Variants in PCDH15 observed in about 807,000 individuals in gnomAD.
PCDH15 encodes protocadherin-15.
Under a neutral mutation model 178.5 loss-of-function variants are expected in PCDH15, and 129 were observed. That is an observed-to-expected ratio of 0.72 (90% CI 0.63 to 0.84). PCDH15 has a LOEUF of 0.84. PCDH15 is among the 40% of genes least tolerant of loss of function. The pLI is 0.00. For missense variants in PCDH15, 2,230 were observed against 2,099.9 expected, an observed-to-expected ratio of 1.06 and a Z score of -1.21; for synonymous variants, 800 against 732.0, an observed-to-expected ratio of 1.09 and a Z score of -1.50.
At chr10:54,539,234 G>A (rs569595010) in intron 2 of PCDH15, among the ~76,000 whole-genome samples, 4 of 152,230 alleles carry the variant, frequency 2.6e-5, no homozygotes, top group South Asian at 2.1e-4. Context: ...TTCAAGAGAC[G>A]CTTCTCACAT....
chr10:54,255,419 C>T (rs11004182), intron 8 of PCDH15, among the ~76,000 whole-genome samples: 3,006 of 152,222 alleles, frequency 0.02, 86 homozygotes, highest in African/African-American at 0.068. Flanking sequence ...TTGATTCTTA[C>T]TGTTGAAAAC....
chr10:55,348,263 T>G (rs1844815575), intron 2 of PCDH15, among the ~76,000 whole-genome samples: 2 of 152,190 alleles, frequency 1.3e-5, no homozygotes, highest in East Asian at 3.9e-4. Context: ...TAGACTCTTT[T>G]GTCTAGTGGC....
chr10:53,858,803 G>T (rs996672199), intron 27 of PCDH15, among the ~76,000 whole-genome samples: 1 of 152,088 alleles, frequency 6.6e-6, no homozygotes, highest in Admixed American at 6.6e-5. Flanking sequence ...CTTCACTAGC[G>T]AACTAGCGAA....
intron 2 of PCDH15, among the ~76,000 whole-genome samples, chr10:54,597,259 C>G (rs896662244): frequency 5.3e-5 from 8 of 152,082 alleles, no homozygotes; most frequent in African/African-American, 1.9e-4. Context: ...TCTTGGACAA[C>G]AGCACAATAA....
intron 10 of PCDH15, among the ~76,000 whole-genome samples, chr10:54,205,481 TTGTGTGTG>T (rs71461223): frequency 6.8e-4 from 92 of 135,170 alleles, no homozygotes; most frequent in Admixed American, 6.5e-3. Flanking sequence ...TATATTTCCT[TTGTGTGTG>T]TGTGTGTGTG....
chr10:54,222,740 C>T (rs945951352), intron 9 of PCDH15, among the ~76,000 whole-genome samples: 1 of 152,174 alleles, frequency 6.6e-6, no homozygotes, highest in Non-Finnish European at 1.5e-5. Context: ...TAGCTAATGA[C>T]ATTGAGCAAC....
intron 2 of PCDH15, among the ~76,000 whole-genome samples, chr10:55,600,630 G>A (rs756495632): frequency 1.3e-5 from 2 of 152,036 alleles, no homozygotes; most frequent in Non-Finnish European, 2.9e-5. Flanking sequence ...AAAGTCCTTC[G>A]TGATCTGAGT....
At chr10:54,770,394 A>G (rs762177852) in intron 1 of PCDH15, among the ~76,000 whole-genome samples, 11 of 152,280 alleles carry the variant, frequency 7.2e-5, no homozygotes, top group Non-Finnish European at 1.3e-4. Context: ...ATTCCTAAAC[A>G]TTGAAGTTTT....
In PCDH15 at chr10:54,048,262, TTTG is replaced by T. The variant is rs146923783; in HGVS notation, c.2220+18492_2220+18494del. Among the ~76,000 whole-genome samples the T allele has an allele frequency of 6.5e-3, 984 of 152,214 alleles. 7 individuals carry two copies. The highest frequency in any genetic ancestry group is 0.023 in the African/African-American group (938 of 41,542). ...TTTTAATGGCCTTATTTCTTTTTTGTTTGTTGAATTATTTTAAGTTCTTTATAG... is the reference window on the plus strand; with the variant it reads ...TTTTAATGGCCTTATTTCTTTTTTGTTTGAATTATTTTAAGTTCTTTATAG... On this transcript the variant is annotated intron_variant, in intron 18 of 37. Transcript: ENST00000644397.
intron 2 of PCDH15, among the ~76,000 whole-genome samples, chr10:55,152,104 T>A (rs11004755): frequency 0.37 from 55,485 of 151,862 alleles, 10,519 homozygotes; most frequent in Admixed American, 0.46. Context: ...CTTACAATTA[T>A]AAATATAGAT....
intron 9 of PCDH15, among the ~76,000 whole-genome samples, chr10:54,216,932 T>C (rs2052142965): frequency 6.6e-6 from 1 of 152,136 alleles, no homozygotes; most frequent in East Asian, 1.9e-4. Flanking sequence ...TCTTTAGCTA[T>C]TACTATGGAG....
At chr10:54,948,951 A>G (rs1269498954) in intron 2 of PCDH15, among the ~76,000 whole-genome samples, 1 of 151,940 alleles carries the variant, frequency 6.6e-6, no homozygotes, top group Non-Finnish European at 1.5e-5. Context: ...TCTTTTTTTA[A>G]GATTCCACAC....
intron 2 of PCDH15, chr10:54,528,237 A>G: frequency 2.6e-6 from 2 of 768,146 alleles, no homozygotes; most frequent in Non-Finnish European, 4.3e-6. Flanking sequence ...AAGCATCACA[A>G]CAGAAACAAA....
chr10:55,009,140 C>T (rs955128730), intron 2 of PCDH15, among the ~76,000 whole-genome samples: 1 of 152,064 alleles, frequency 6.6e-6, no homozygotes, highest in Non-Finnish European at 1.5e-5. Context: ...TTTCAAACTT[C>T]ATGTTATCCC....
Position 55,356,260 on chromosome 10 carries a change from A to G in PCDH15, c.-155-189609T>C, listed in dbSNP as rs546398284. On this transcript the variant is annotated intron_variant, in intron 2 of 5. Transcript: ENST00000613346. ...AAGAAAGATGAAAGAAAAGAATGAG[A>G]GAGGGAAAGAATAAGAGATGGGAGA... 2.4e-4 allele frequency among the ~76,000 whole-genome samples: 36 copies of G among 152,000 alleles called. No homozygotes were observed. The South Asian group carries it at 7.3e-3, about 31-fold the overall frequency.
intron 2 of PCDH15, chr10:54,528,278 CTAAT>C: frequency 9.6e-7 from 1 of 1,037,248 alleles, no homozygotes; most frequent in Non-Finnish European, 1.5e-6. Flanking sequence ...GATAAAGGGT[CTAAT>C]TAGAGAGAGT....
In PCDH15 at chr10:54,195,842, G is replaced by A. The variant is rs773302482; in HGVS notation, c.1146C>T (p.His382=). 1 of 1,613,996 alleles carries A rather than the reference G, an allele frequency of 6.2e-7. No homozygotes were observed. The highest frequency in any genetic ancestry group is 1.1e-5 in the South Asian group (1 of 91,076). ...GHPLPAFAGL[H]IEILDENNQS... is the part of the protein sequence containing the mutation. ...GATTGTTTTCATCCAGTATTTCAAT[G>A]TGTAGACCGGCAAAGGCAGGAAGAG... The change falls in exon 11 of 38, where the codon CAC becomes CAT. Residue 382 remains histidine (H), a synonymous_variant. Transcript: ENST00000644397.
intron 3 of PCDH15, among the ~76,000 whole-genome samples, chr10:54,435,924 C>T (rs566939519): frequency 1.3e-5 from 2 of 151,118 alleles, no homozygotes; most frequent in East Asian, 2.0e-4. Context: ...GAGCCGAGAT[C>T]GTGCCACTGC....
intron 1 of PCDH15, among the ~76,000 whole-genome samples, chr10:54,664,758 A>C (rs2094544105): frequency 6.6e-6 from 1 of 151,906 alleles, no homozygotes; most frequent in East Asian, 1.9e-4. Flanking sequence ...TTAAAATGTT[A>C]ATTCCTTTCT....
Sources: gnomAD v4.1 joint callset for allele counts (sites outside exome capture counted in the v4.1 genomes callset) on GRCh38, gnomAD v4.1.1 for gene constraint, MANE v1.5 for transcripts, NCBI Gene and HGNC (gene_info 2026-07-23, HGNC 2026-07-21) for gene names.